Variants in TRIM2 observed in about 807,000 individuals in gnomAD.
TRIM2 encodes the protein tripartite motif-containing protein 2.
In TRIM2, 20 loss-of-function variants were observed where a neutral mutation model predicts 75.2. The ratio of observed to expected loss-of-function variants is 0.27; its 90% CI spans 0.19 to 0.39. The LOEUF (loss-of-function observed/expected upper bound fraction) is 0.39. Among genes scored for constraint, TRIM2 ranks in the 10% least tolerant of loss-of-function variants. The pLI is 1.00. For synonymous variants in TRIM2, 373 were observed against 388.3 expected, an observed-to-expected ratio of 0.96 and a Z score of 0.46; for missense variants, 660 against 990.8, an observed-to-expected ratio of 0.67 and a Z score of 4.48.
intron 1 of TRIM2, among the ~76,000 whole-genome samples, chr4:153,263,824 C>CTT (rs1294309254): frequency 6.6e-6 from 1 of 152,212 alleles, no homozygotes; most frequent in African/African-American, 2.4e-5. Context: ...AGATGGCCCA[C>CTT]ATGGCAGAGA....
chr4:153,326,751 C>T (rs1770264178), intron 10 of TRIM2, among the ~76,000 whole-genome samples: 2 of 152,146 alleles, frequency 1.3e-5, no homozygotes, highest in Admixed American at 1.3e-4. Flanking sequence ...GACGCCAAGG[C>T]GGACAGCTCA....
chr4:153,181,307 A>G (rs1041286320), intron 1 of TRIM2, among the ~76,000 whole-genome samples: 30 of 152,364 alleles, frequency 2.0e-4, no homozygotes, highest in Admixed American at 5.2e-4. Context: ...TGCTCTCTAG[A>G]AAGCCTTTCA....
intron 8 of TRIM2, among the ~76,000 whole-genome samples, chr4:153,317,424 G>C (rs189175053): frequency 6.6e-6 from 1 of 151,172 alleles, no homozygotes; most frequent in African/African-American, 2.4e-5. Context: ...CGAGGCGGGC[G>C]GATCACAAGG....
At chr4:153,334,439 G>T (rs1171720582) in intron 11 of TRIM2, among the ~76,000 whole-genome samples, 1 of 150,244 alleles carries the variant, frequency 6.7e-6, no homozygotes, top group Non-Finnish European at 1.5e-5. Context: ...TTTTGCTCAG[G>T]CTGTTCTTAA....
At chr4:153,322,863 G>A (rs1769316655) in intron 9 of TRIM2, 47 bp downstream of exon 9, 1 of 1,606,396 alleles carries the variant, frequency 6.2e-7, no homozygotes, top group African/African-American at 1.3e-5. Context: ...TGCTTCTTCT[G>A]CTCACATTTG....
chr4:153,272,601 C>T (rs766430651), intron 2 of TRIM2, among the ~76,000 whole-genome samples: 2 of 151,990 alleles, frequency 1.3e-5, no homozygotes, highest in Non-Finnish European at 2.9e-5. Flanking sequence ...ATCTTCCCAC[C>T]TCAACTTCTT....
At chr4:153,277,017 C>A (rs1005605089) in intron 3 of TRIM2, among the ~76,000 whole-genome samples, 2 of 152,136 alleles carry the variant, frequency 1.3e-5, no homozygotes, top group African/African-American at 2.4e-5. Flanking sequence ...GTATTTGAAA[C>A]TGCTTAAAAC....
intron 1 of TRIM2, among the ~76,000 whole-genome samples, chr4:153,166,675 A>C (rs1449895619): frequency 6.6e-6 from 1 of 151,996 alleles, no homozygotes; most frequent in Non-Finnish European, 1.5e-5. Flanking sequence ...CTGCCTCCCT[A>C]GTAGGTGGGA....
At position 153,270,370 on chromosome 4, in the gene TRIM2, A is replaced by T; in HGVS notation, c.66A>T (p.Pro22=). 1 of 1,613,600 alleles carries T rather than the reference A, an allele frequency of 6.2e-7. No homozygotes were observed. The highest frequency in any genetic ancestry group is 8.5e-7 in the Non-Finnish European group (1 of 1,179,762). Residue 22 remains proline, a synonymous_variant, in exon 2 of 12, where the codon CCA becomes CCT. Transcript: ENST00000338700. ...CAGGGTCAAAGACAGCCGGCCCCCC[A>T]TGTCAGTGGTCTAGGATGGCCAGTG... ...QRAGSKTAGP[P]CQWSRMASEG...
intron 1 of TRIM2, among the ~76,000 whole-genome samples, chr4:153,232,013 G>A (rs754129489): frequency 2.6e-5 from 4 of 152,026 alleles, no homozygotes; most frequent in Non-Finnish European, 4.4e-5. Flanking sequence ...TTTGGATTGC[G>A]GATGCTCAAC....
At chr4:153,254,093 C>T (rs1038598660) in intron 1 of TRIM2, among the ~76,000 whole-genome samples, 1 of 152,094 alleles carries the variant, frequency 6.6e-6, no homozygotes, top group African/African-American at 2.4e-5. Context: ...CTAGGGAGGA[C>T]AGAAGGTGGA....
At chr4:153,201,569 T>C (rs547517998), upstream of TRIM2, among the ~76,000 whole-genome samples, 1 of 152,182 alleles carries the variant, frequency 6.6e-6, no homozygotes, top group Non-Finnish European at 1.5e-5. Flanking sequence ...TGCTGTGGTT[T>C]CTGAGCACTA....
chr4:153,295,183 A>C lies in TRIM2; in HGVS notation c.787-130A>C. 1 of 1,303,498 alleles carries C rather than the reference A, an allele frequency of 7.7e-7. No individual in the cohort carries two copies. The highest frequency in any genetic ancestry group is 1.0e-6 in the Non-Finnish European group (1 of 980,398). The allele number at this position is 1,303,498 out of a possible 1,614,324, so 80.7% of individuals were successfully genotyped here. A position where few individuals can be genotyped will look rare whatever the true frequency, so the allele number is the denominator to read the frequency against. ...CGTTAGCACTGGGTTCCCTGGGTTG[A>C]CAAACACCGCTTGCTCAGAGCCACC... On this transcript the variant is annotated intron_variant, in intron 5 of 11. Coordinates refer to ENST00000338700, the MANE Select transcript of TRIM2 (RefSeq NM_015271.5). This position sits in a 1 kb window ranked among gnomAD's most constrained non-coding sequence, Gnocchi z 7.2.
chr4:153,209,888 T>C (rs1327168931), intron 1 of TRIM2, among the ~76,000 whole-genome samples: 2 of 152,152 alleles, frequency 1.3e-5, no homozygotes, highest in African/African-American at 4.8e-5. Flanking sequence ...TTTTCCTCCA[T>C]ATGACTTCTC....
upstream of TRIM2, among the ~76,000 whole-genome samples, chr4:153,201,423 G>A (rs1292073945): frequency 6.6e-6 from 1 of 151,994 alleles, no homozygotes; most frequent in Non-Finnish European, 1.5e-5. Flanking sequence ...AATTGCAGGA[G>A]TTTTAAAAAT....
chr4:153,281,672 C>T (rs894642389), intron 3 of TRIM2, among the ~76,000 whole-genome samples: 3 of 152,198 alleles, frequency 2.0e-5, no homozygotes, highest in Non-Finnish European at 4.4e-5. Flanking sequence ...CTGATTGGCA[C>T]GTGTGGATGA....
At chr4:153,262,161 A>C (rs912403648) in intron 1 of TRIM2, among the ~76,000 whole-genome samples, 2 of 152,252 alleles carry the variant, frequency 1.3e-5, no homozygotes, top group Non-Finnish European at 2.9e-5. Context: ...GCACAGATAC[A>C]GCCGATTTAC....
At chr4:153,223,797 C>T (rs1214731999) in intron 1 of TRIM2, among the ~76,000 whole-genome samples, 1 of 152,176 alleles carries the variant, frequency 6.6e-6, no homozygotes, top group Non-Finnish European at 1.5e-5. Context: ...ATTTATGGAA[C>T]AGAGACAGCT....
At chr4:153,310,213 A>G (rs1350709157) in intron 6 of TRIM2, 1 of 152,242 alleles carries the variant, frequency 6.6e-6, no homozygotes, top group African/African-American at 2.4e-5. Context: ...CTACTAGCTA[A>G]TATGTAACCA....
Sources: gnomAD v4.1 joint callset for allele counts (sites outside exome capture counted in the v4.1 genomes callset) on GRCh38, gnomAD v4.1.1 for gene constraint, Gnocchi (gnomAD v3.1) non-coding constraint, MANE v1.5 for transcripts, NCBI Gene and HGNC (gene_info 2026-07-23, HGNC 2026-07-21) for gene names.